The following PCDHGA7 variants were observed in gnomAD, a reference collection of about 807,000 sequenced individuals.
The protein encoded by PCDHGA7 is protocadherin gamma subfamily A, 7, also known as protocadherin gamma-A7.
Under a neutral mutation model 58.3 loss-of-function variants are expected in PCDHGA7, and 44 were observed. The observed-to-expected ratio is 0.75, with a 90% CI of 0.59 to 0.97. The LOEUF (loss-of-function observed/expected upper bound fraction) is 0.97, where lower values mean the gene tolerates loss of function less well. Ranked by LOEUF, PCDHGA7 falls within the 50% of genes least tolerant of loss-of-function variation. The pLI is 0.00. For synonymous variants in PCDHGA7, 516 were observed against 504.2 expected, an observed-to-expected ratio of 1.02 and a Z score of -0.31; for missense variants, 1,266 against 1,188.7, an observed-to-expected ratio of 1.06 and a Z score of -0.96.
intron 1 of PCDHGA7, among the ~76,000 whole-genome samples, chr5:141,401,123 C>A (rs1289456548): frequency 1.3e-5 from 2 of 152,156 alleles, no homozygotes; most frequent in Non-Finnish European, 2.9e-5. Flanking sequence ...GCGGTTGGAT[C>A]ACATGGTCAG....
In PCDHGA7 at chr5:141,462,551, G is replaced by C. The variant is rs57555347; in HGVS notation, c.2425-32256G>C. 8.3e-3 allele frequency among the ~76,000 whole-genome samples: 1,259 copies of C among 151,854 alleles called. 17 individuals carry two copies. The highest frequency in any genetic ancestry group is 0.029 in the African/African-American group (1,196 of 41,422). ...TTGTTCAGTGATCTTTTCTTCTTCA[G>C]TGTTTACTGTATTTGCTAATCCCAT... On this transcript the variant is annotated intron_variant, in intron 1 of 3. Transcript: ENST00000518325.
Position 141,382,795 on chromosome 5 carries a change from T to G in PCDHGA7, c.-105T>G. 8 of 982,614 alleles carry G rather than the reference T, an allele frequency of 8.1e-6. No homozygotes were observed. Among genetic ancestry groups the G allele is most frequent in the Non-Finnish European group, 1.2e-5 (8 of 659,240 alleles). The allele number at this position is 982,614 out of a possible 1,614,324, so 60.9% of individuals were successfully genotyped here. A position where few individuals can be genotyped will look rare whatever the true frequency, so the allele number is the denominator to read the frequency against. On this transcript the variant is annotated 5_prime_UTR_variant, in exon 1 of 4. Coordinates refer to ENST00000518325, the MANE Select transcript of PCDHGA7 (RefSeq NM_018920.4). The stretch of plus-strand genomic sequence containing the variant: ...CACTAAACTCAAGCCTCTATCCTGC[T>G]GGATTCTGAGCTCCCCTTCCTAAGA...
rs768135284 is a variant in PCDHGA7, at chr5:141,489,277, T to C, written c.2425-5530T>C. ...GACACTCCCACAGCTCGCTGGGAAA[T>C]GGCAAGTGCTGTGCATGTTGTCCTT... On this transcript the variant is annotated intron_variant, in intron 1 of 3. Transcript: ENST00000518325. This position sits in a 1 kb window ranked among gnomAD's most constrained non-coding sequence, Gnocchi z 4.5. 7.1e-6 allele frequency: 11 copies of C among 1,556,078 alleles called. No individual in the cohort carries two copies. Among genetic ancestry groups the C allele is most frequent in the South Asian group, 3.7e-5 (3 of 80,348 alleles).
chr5:141,414,721 G>A (rs373261988), intron 1 of PCDHGA7: 29 of 1,614,004 alleles, frequency 1.8e-5, no homozygotes, highest in Middle Eastern at 1.6e-4. Flanking sequence ...CTCAGACACT[G>A]GCGTCCTGTA....
At chr5:141,392,859 CT>C in intron 1 of PCDHGA7, 1 of 1,612,504 alleles carries the variant, frequency 6.2e-7, no homozygotes, top group Non-Finnish European at 8.5e-7. Flanking sequence ...GCTGATCCTG[CT>C]GTGCGCGCTG....
Position 141,490,325 on chromosome 5 carries a change from G to A in PCDHGA7, c.2425-4482G>A. 1 of 1,614,236 alleles carries A rather than the reference G, an allele frequency of 6.2e-7. No individual in the cohort carries two copies. Among genetic ancestry groups the A allele is most frequent in the Non-Finnish European group, 8.5e-7 (1 of 1,180,038 alleles). On this transcript the variant is annotated intron_variant, in intron 1 of 3. Transcript: ENST00000518325. This position sits in a 1 kb window ranked among gnomAD's most constrained non-coding sequence, Gnocchi z 5.4. ...TCTTTGGCCAACCCTGTCCTAGAGA[G>A]CACACCAGTGGGCACAGTAGTGGGG...
intron 1 of PCDHGA7, chr5:141,418,292 T>A: frequency 6.2e-7 from 1 of 1,613,988 alleles, no homozygotes. Context: ...AATCAGTGAA[T>A]CCGTCAGCCT....
intron 3 of PCDHGA7, among the ~76,000 whole-genome samples, chr5:141,509,320 C>A (rs1261653347): frequency 6.6e-6 from 1 of 152,194 alleles, no homozygotes; most frequent in Non-Finnish European, 1.5e-5. Flanking sequence ...GGGAGAGAAG[C>A]TCTACTGCCA....
rs558074504 is a variant in PCDHGA7, at chr5:141,489,065, C to G, written c.2425-5742C>G. On this transcript the variant is annotated intron_variant, in intron 1 of 3. Coordinates refer to ENST00000518325, the MANE Select transcript of PCDHGA7 (RefSeq NM_018920.4). This position sits in a 1 kb window ranked among gnomAD's most constrained non-coding sequence, Gnocchi z 4.5. ...CCACTCAAATTCAGCTCCCCTCCCC[C>G]CTGCCCACCCCCGCCACTCGGTGAC... is the stretch of plus-strand genomic sequence containing the variant. The G allele has an allele frequency of 1.5e-4, 57 of 389,046 alleles. No homozygotes were observed. Among genetic ancestry groups the G allele is most frequent in the African/African-American group, 8.5e-4 (40 of 47,278 alleles). 24.1% of individuals were successfully genotyped at this position (389,046 alleles called of 1,614,324 possible).
At chr5:141,474,087 A>C (rs1483673747) in intron 1 of PCDHGA7, among the ~76,000 whole-genome samples, 4 of 152,198 alleles carry the variant, frequency 2.6e-5, no homozygotes, top group South Asian at 2.1e-4. Context: ...AAAACCAAAA[A>C]ACAAACAACA....
intron 1 of PCDHGA7, chr5:141,442,367 T>C (rs1304138950): frequency 6.6e-6 from 1 of 152,282 alleles, no homozygotes; most frequent in Non-Finnish European, 1.5e-5. Flanking sequence ...TATGATGCCA[T>C]ATTCCTACCA....
At position 141,384,646 on chromosome 5, in the gene PCDHGA7, G is replaced by A. The variant is rs1780315410; in HGVS notation, c.1747G>A (p.Glu583Lys). The A allele has an allele frequency of 1.2e-6, 2 of 1,614,230 alleles. No homozygotes were observed. The highest frequency in any genetic ancestry group is 1.7e-6 in the Non-Finnish European group (2 of 1,180,042). The change falls in exon 1 of 4, where the codon GAG (glutamate) becomes AAG (lysine). Residue 583 changes from glutamate to lysine, a missense_variant. Glu to Lys is a moderately conservative substitution (Grantham distance 56). Transcript: ENST00000518325. ...TGMELAPRSA[E>K]PGYLVTKVVA... is the part of the protein sequence containing the mutation. Reference sequence around the variant, plus strand: ...CATGGAGCTGGCACCCCGCTCCGCAGAGCCCGGCTACCTGGTGACCAAGGT... The same window carrying A: ...CATGGAGCTGGCACCCCGCTCCGCAAAGCCCGGCTACCTGGTGACCAAGGT...
At chr5:141,395,088 C>G (rs778953049) in intron 1 of PCDHGA7, 31 of 1,614,076 alleles carry the variant, frequency 1.9e-5, no homozygotes, top group East Asian at 6.7e-5. Flanking sequence ...GGAAGTCTCC[C>G]TCACCGCCGA....
chr5:141,393,676 A>G (rs767754951), intron 1 of PCDHGA7: 2 of 1,613,954 alleles, frequency 1.2e-6, no homozygotes, highest in South Asian at 1.1e-5. Flanking sequence ...AATGAAAAAC[A>G]AACTCCGTTA....
At position 141,486,538 on chromosome 5, in the gene PCDHGA7, C is replaced by A; in HGVS notation, c.2425-8269C>A. 1 of 1,614,150 alleles carries A rather than the reference C, an allele frequency of 6.2e-7. No individual in the cohort carries two copies. Among genetic ancestry groups the A allele is most frequent in the Non-Finnish European group, 8.5e-7 (1 of 1,180,038 alleles). ...ATGTGAATGATAATCCACCCTCTTTCTTTCAGAGGTCACATGAGGTGTTTG... is the reference window on the plus strand; with the variant it reads ...ATGTGAATGATAATCCACCCTCTTTATTTCAGAGGTCACATGAGGTGTTTG... On this transcript the variant is annotated intron_variant, in intron 1 of 3. Coordinates refer to ENST00000518325, the MANE Select transcript of PCDHGA7 (RefSeq NM_018920.4). This position sits in a 1 kb window ranked among gnomAD's most constrained non-coding sequence, Gnocchi z 5.0.
chr5:141,387,766 T>G, intron 1 of PCDHGA7: 1 of 1,434,120 alleles, frequency 7.0e-7, no homozygotes, highest in Non-Finnish European at 9.3e-7. Context: ...AAAGAAGAAT[T>G]TTTTCTTGAA....
Position 141,491,992 on chromosome 5 carries a change from T to G in PCDHGA7, c.2425-2815T>G. ...GGCCTCCTTCGAGCTTCCGGTGAAT[T>G]TCGGGCGATTTCCGCGGGTGTCGGG... On this transcript the variant is annotated intron_variant, in intron 1 of 3. Transcript: ENST00000518325. This position sits in a 1 kb window ranked among gnomAD's most constrained non-coding sequence, Gnocchi z 6.9. The G allele has an allele frequency of 1.5e-6, 1 of 684,982 alleles. No homozygotes were observed. The highest frequency in any genetic ancestry group is 2.3e-6 in the Non-Finnish European group (1 of 443,370). The allele number at this position is 684,982 out of a possible 1,614,324, so 42.4% of individuals were successfully genotyped here.
At chr5:141,461,302 T>A (rs1009664719) in intron 1 of PCDHGA7, among the ~76,000 whole-genome samples, 3 of 152,142 alleles carry the variant, frequency 2.0e-5, no homozygotes. Flanking sequence ...CAACATCTAT[T>A]GTTTTTTGAC....
intron 1 of PCDHGA7, among the ~76,000 whole-genome samples, chr5:141,474,082 CA>C (rs1449032579): frequency 1.3e-5 from 2 of 151,946 alleles, no homozygotes; most frequent in Non-Finnish European, 2.9e-5. Flanking sequence ...AAACAAAAAC[CA>C]AAAAACAAAC....
Sources: allele counts gnomAD v4.1 joint callset (sites outside exome capture counted in the v4.1 genomes callset), GRCh38; gene constraint gnomAD v4.1.1; non-coding constraint Gnocchi (gnomAD v3.1); transcripts MANE v1.5; gene names NCBI Gene and HGNC (gene_info 2026-07-23, HGNC 2026-07-21).